The following ZNF534 variants were observed in gnomAD, a reference collection of about 807,000 sequenced individuals.
ZNF534 encodes KRAB domain only 3.
In ZNF534, 19 loss-of-function variants were observed where a neutral mutation model predicts 13.6. The observed-to-expected ratio is 1.40, with a 90% CI of 0.97 to 2.05. The LOEUF (loss-of-function observed/expected upper bound fraction) is 2.05. Among genes scored for constraint, ZNF534 ranks in the 30% most tolerant of loss-of-function variants. The pLI, the probability that ZNF534 is intolerant of heterozygous loss-of-function variation, is 0.00. For missense variants in ZNF534, 782 were observed against 796.3 expected, an observed-to-expected ratio of 0.98 and a Z score of 0.22; for synonymous variants, 244 against 273.8, an observed-to-expected ratio of 0.89 and a Z score of 1.07.
In ZNF534 at chr19:52,438,387, G is replaced by C; in HGVS notation, c.927G>C (p.Val309=). The change falls in exon 5 of 5, where the codon GTG becomes GTC. Residue 309 remains valine (V), a synonymous_variant. Transcript: ENST00000433050. ...KCSECGKAFS[V]CSSLTAHLVI... is the part of the protein sequence containing the mutation. ...GTGAATGTGGCAAAGCATTTAGTGTGTGTTCCAGTCTTACTGCTCATCTTG... is the reference window on the plus strand; with the variant it reads ...GTGAATGTGGCAAAGCATTTAGTGTCTGTTCCAGTCTTACTGCTCATCTTG... The C allele has an allele frequency of 1.2e-6, 2 of 1,613,424 alleles. No individual in the cohort carries two copies. Among genetic ancestry groups the C allele is most frequent in the Non-Finnish European group, 1.7e-6 (2 of 1,179,538 alleles).
At chr19:52,449,198 A>C (rs1243765199) in intron 4 of ZNF534, among the ~76,000 whole-genome samples, 1 of 152,222 alleles carries the variant, frequency 6.6e-6, no homozygotes, top group Non-Finnish European at 1.5e-5. Flanking sequence ...TTCTTTTTAA[A>C]GGATGAACAG....
At chr19:52,432,253 A>G (rs1282801495) in intron 2 of ZNF534, among the ~76,000 whole-genome samples, 2 of 152,124 alleles carry the variant, frequency 1.3e-5, no homozygotes, top group African/African-American at 4.8e-5. Flanking sequence ...ATAATGAACT[A>G]TTAGGCAATT....
chr19:52,431,758 G>GTCAGTGCTGTTGGGCAGCAGGGATTGT (rs2059088914), intron 2 of ZNF534, among the ~76,000 whole-genome samples: 1 of 152,060 alleles, frequency 6.6e-6, no homozygotes, highest in Admixed American at 6.6e-5. Flanking sequence ...GCCTTGTGGT[G>GTCAGTGCTGTTGGGCAGCAGGGATTGT]TCAGTGCTGT....
intron 4 of ZNF534, among the ~76,000 whole-genome samples, chr19:52,448,184 G>A (rs2059200806): frequency 6.6e-6 from 1 of 152,028 alleles, no homozygotes; most frequent in Non-Finnish European, 1.5e-5. Flanking sequence ...GGAAGGCCGA[G>A]GTGGGCTGAT....
At chr19:52,435,982 G>A (rs1231654133) in intron 4 of ZNF534, among the ~76,000 whole-genome samples, 1 of 144,070 alleles carries the variant, frequency 6.9e-6, no homozygotes, top group Non-Finnish European at 1.5e-5. Context: ...TGTCACCCAG[G>A]CTGGAGTACA....
chr19:52,450,669 A>AGTTTT (rs2059210003), intron 4 of ZNF534, among the ~76,000 whole-genome samples: 1 of 66,928 alleles, frequency 1.5e-5, no homozygotes, highest in Non-Finnish European at 2.7e-5. Context: ...GAATTTTAGG[A>AGTTTT]GTTTTTTTTT....
rs779142471 is a variant in ZNF534, at chr19:52,438,102, C to T, written c.642C>T (p.Tyr214=). The T allele has an allele frequency of 3.0e-5, 48 of 1,614,016 alleles. No homozygotes were observed. The highest frequency in any genetic ancestry group is 3.9e-5 in the Non-Finnish European group (46 of 1,180,026). ...TAATCCACATTGCAGATAAAACTTA[C>T]AAATGTAGTGACTGTGGCGAGATCT... ...RQVIHIADKT[Y]KCSDCGEIFS... is the part of the protein sequence containing the mutation. Residue 214 remains tyrosine (Y), a synonymous_variant, in exon 5 of 5, where the codon TAC becomes TAT. Coordinates refer to ENST00000433050, the MANE Select transcript of ZNF534 (RefSeq NM_001143938.3).
At chr19:52,443,707 G>A (rs771309005), downstream of ZNF534, among the ~76,000 whole-genome samples, 6 of 151,800 alleles carry the variant, frequency 4.0e-5, no homozygotes, top group South Asian at 6.3e-4. Context: ...CCGAGATTGC[G>A]CCATTGCACT....
At chr19:52,430,055 G>A (rs1384278493) in intron 1 of ZNF534, among the ~76,000 whole-genome samples, 3 of 151,192 alleles carry the variant, frequency 2.0e-5, no homozygotes, top group South Asian at 2.1e-4. Context: ...TCACTCTGAC[G>A]CCAAGGCTGG....
intron 1 of ZNF534, 107 bp from the exon 2 acceptor site, chr19:52,431,301 A>G: frequency 1.2e-6 from 1 of 806,580 alleles, no homozygotes; most frequent in East Asian, 2.7e-5. Context: ...AGTAGGCAGC[A>G]GAGGACCATC....
At chr19:52,435,933 CTTCTTCTTTTTTT>C (rs2059125952) in intron 4 of ZNF534, among the ~76,000 whole-genome samples, 1 of 17,522 alleles carries the variant, frequency 5.7e-5, no homozygotes, top group African/African-American at 7.2e-5. Flanking sequence ...TATTTTTCTT[CTTCTTCTTTTTTT>C]TTTTTTTTTT....
At chr19:52,432,642 A>ATTTT (rs1217604910) in intron 2 of ZNF534, among the ~76,000 whole-genome samples, 2 of 151,070 alleles carry the variant, frequency 1.3e-5, no homozygotes, top group Non-Finnish European at 3.0e-5. Flanking sequence ...TTATTTATTT[A>ATTTT]TTTTTTTTGA....
intron 2 of ZNF534, among the ~76,000 whole-genome samples, chr19:52,433,557 G>A (rs112031510): frequency 0.068 from 10,336 of 152,162 alleles, 1,079 homozygotes; most frequent in African/African-American, 0.22. Flanking sequence ...TAGTAGAGAT[G>A]GGGTTTCACC....
chr19:52,448,956 T>C (rs1025334559), intron 4 of ZNF534, among the ~76,000 whole-genome samples: 6 of 152,196 alleles, frequency 3.9e-5, no homozygotes, highest in African/African-American at 1.4e-4. Context: ...TGACAACTTA[T>C]TCCTTCTGGT....
Position 52,440,378 on chromosome 19 carries a change from A to G in ZNF534, c.*932A>G. On this transcript the variant is annotated 3_prime_UTR_variant, in exon 5 of 5. Transcript: ENST00000433050. ...TACAAATGAATGACAGCATCTTCAA[A>G]TAAAATGCACATCTGGCACAACATT... 6.6e-6 allele frequency among the ~76,000 whole-genome samples: 1 copy of G among 152,258 alleles called. No homozygotes were observed. Among genetic ancestry groups the G allele is most frequent in the East Asian group, 1.9e-4 (1 of 5,208 alleles).
chr19:52,433,739 T>G (rs2122667401), intron 2 of ZNF534: 1 of 613,062 alleles, frequency 1.6e-6, no homozygotes, highest in Non-Finnish European at 3.0e-6. Context: ...ATCCACAAAA[T>G]GAGACATCTA....
At chr19:52,448,801 G>A (rs568670134) in intron 4 of ZNF534, among the ~76,000 whole-genome samples, 1 of 152,272 alleles carries the variant, frequency 6.6e-6, no homozygotes, top group South Asian at 2.1e-4. Flanking sequence ...ACATAAAATA[G>A]ATAATGATCA....
Position 52,441,216 on chromosome 19 carries a change from T to C in ZNF534, c.*1770T>C, listed in dbSNP as rs1599869418. Among the ~76,000 whole-genome samples the C allele has an allele frequency of 4.0e-5, 6 of 151,834 alleles. No individual in the cohort carries two copies. In the South Asian group the frequency reaches 1.3e-3, roughly 32 times the overall value. On this transcript the variant is annotated 3_prime_UTR_variant, in exon 5 of 5. Transcript: ENST00000433050. Reference sequence around the variant, plus strand: ...GCTGCACCCAGCTTGAGAAATCATATGAATATATGGAATGTACTCCAGGCA... The same window carrying C: ...GCTGCACCCAGCTTGAGAAATCATACGAATATATGGAATGTACTCCAGGCA...
chr19:52,442,194 A>G lies in ZNF534; in HGVS notation c.*2748A>G, dbSNP rs1183879359. On this transcript the variant is annotated 3_prime_UTR_variant, in exon 5 of 5. Transcript: ENST00000433050. ...AACAGGCCACCAAAACTGGCCATAA[A>G]CAAAATCTCTGTAGGACTGTGACAT... Among the ~76,000 whole-genome samples, 1 of 152,230 alleles carries G rather than the reference A, an allele frequency of 6.6e-6. No homozygotes were observed. Among genetic ancestry groups the G allele is most frequent in the East Asian group, 1.9e-4 (1 of 5,200 alleles).
Sources: gnomAD v4.1 joint callset for allele counts (sites outside exome capture counted in the v4.1 genomes callset) on GRCh38, gnomAD v4.1.1 for gene constraint, MANE v1.5 for transcripts, NCBI Gene and HGNC (gene_info 2026-07-23, HGNC 2026-07-21) for gene names.